The following ASCC3 variants were observed in gnomAD, a reference collection of about 807,000 sequenced individuals.
The protein encoded by ASCC3 is ASC-1 complex subunit P200.
Under a neutral mutation model 256.3 loss-of-function variants are expected in ASCC3, and 158 were observed. The observed-to-expected ratio is 0.62, with a 90% CI of 0.54 to 0.70. ASCC3 has a LOEUF of 0.70. Among genes scored for constraint, ASCC3 ranks in the 30% least tolerant of loss-of-function variants. The pLI, the probability that ASCC3 is intolerant of heterozygous loss-of-function variation, is 0.00. For missense variants in ASCC3, 2,259 were observed against 2,626.0 expected, an observed-to-expected ratio of 0.86 and a Z score of 3.05; for synonymous variants, 948 against 883.4, an observed-to-expected ratio of 1.07 and a Z score of -1.30.
At chr6:100,620,972 C>T (rs1209631394) in intron 30 of ASCC3, among the ~76,000 whole-genome samples, 7 of 152,120 alleles carry the variant, frequency 4.6e-5, no homozygotes, top group Admixed American at 4.6e-4. Flanking sequence ...CAGCTGTAAA[C>T]CCTCTGAAAT....
intron 4 of ASCC3, among the ~76,000 whole-genome samples, chr6:100,823,184 ATTT>A (rs1236286479): frequency 6.6e-6 from 1 of 152,192 alleles, no homozygotes; most frequent in African/African-American, 2.4e-5. Flanking sequence ...AACATTTGCC[ATTT>A]TCATCCACAT....
At chr6:100,705,878 CTTAA>C (rs960988541) in intron 13 of ASCC3, among the ~76,000 whole-genome samples, 6 of 151,980 alleles carry the variant, frequency 3.9e-5, no homozygotes, top group African/African-American at 1.2e-4. Flanking sequence ...TAATTGGCTG[CTTAA>C]TAATAATGCG....
intron 13 of ASCC3, among the ~76,000 whole-genome samples, chr6:100,692,949 T>C (rs957152165): frequency 6.6e-6 from 1 of 151,996 alleles, no homozygotes; most frequent in African/African-American, 2.4e-5. Context: ...TCAGAAGATG[T>C]TAAAAATATG....
chr6:100,610,237 C>G (rs917041759), intron 30 of ASCC3, among the ~76,000 whole-genome samples: 1 of 152,092 alleles, frequency 6.6e-6, no homozygotes, highest in Admixed American at 6.6e-5. Context: ...CTATTAGCAA[C>G]CTCTAATATA....
intron 3 of ASCC3, chr6:100,859,328 T>G: frequency 2.7e-6 from 2 of 737,616 alleles, no homozygotes; most frequent in Non-Finnish European, 2.5e-6. Flanking sequence ...ATTTTGTATT[T>G]TGCAGTTTTT....
intron 10 of ASCC3, among the ~76,000 whole-genome samples, chr6:100,764,881 T>C (rs1395658073): frequency 1.3e-5 from 2 of 152,014 alleles, no homozygotes; most frequent in Non-Finnish European, 2.9e-5. Context: ...GTGACCTTAT[T>C]TGAAAAAAGG....
chr6:100,761,609 C>T (rs778208119), intron 10 of ASCC3, among the ~76,000 whole-genome samples: 7 of 152,118 alleles, frequency 4.6e-5, no homozygotes, highest in Non-Finnish European at 1.0e-4. Context: ...TGCAGAAAGG[C>T]AGCAACTGCC....
chr6:100,560,256 G>A (rs1168504194), intron 36 of ASCC3, among the ~76,000 whole-genome samples: 1 of 152,104 alleles, frequency 6.6e-6, no homozygotes, highest in Middle Eastern at 3.2e-3. Context: ...TTTGGCTCCA[G>A]GGTAAACTTT....
intron 14 of ASCC3, among the ~76,000 whole-genome samples, chr6:100,667,051 C>A (rs1776511667): frequency 6.6e-6 from 1 of 152,106 alleles, no homozygotes; most frequent in Admixed American, 6.6e-5. Context: ...GTACAGGGAC[C>A]AAGATGAAAC....
intron 20 of ASCC3, among the ~76,000 whole-genome samples, chr6:100,647,708 C>T (rs765858296): frequency 1.3e-5 from 2 of 152,010 alleles, no homozygotes; most frequent in Non-Finnish European, 2.9e-5. Flanking sequence ...AAAGCTCTAC[C>T]TTCTAAACAG....
intron 13 of ASCC3, among the ~76,000 whole-genome samples, chr6:100,710,987 AAG>A (rs1241998664): frequency 1.3e-5 from 2 of 152,178 alleles, no homozygotes; most frequent in Non-Finnish European, 2.9e-5. Flanking sequence ...TTACTCATAT[AAG>A]CTTGAATTTA....
intron 14 of ASCC3, among the ~76,000 whole-genome samples, chr6:100,678,249 C>T (rs1473016959): frequency 6.6e-6 from 1 of 152,070 alleles, no homozygotes; most frequent in African/African-American, 2.4e-5. Flanking sequence ...GCTCTCAAGG[C>T]TTGTCTTTTA....
At chr6:100,609,740 G>T (rs532466108) in intron 30 of ASCC3, among the ~76,000 whole-genome samples, 1 of 152,050 alleles carries the variant, frequency 6.6e-6, no homozygotes, top group African/African-American at 2.4e-5. Context: ...GAGAAACCTC[G>T]TCTCTACTAA....
intron 14 of ASCC3, among the ~76,000 whole-genome samples, chr6:100,664,574 G>C (rs932739448): frequency 6.6e-6 from 1 of 151,974 alleles, no homozygotes; most frequent in Non-Finnish European, 1.5e-5. Flanking sequence ...TTCAAGGGGG[G>C]TGTATTCTTA....
At chr6:100,778,184 T>C (rs1224755356) in intron 8 of ASCC3, among the ~76,000 whole-genome samples, 1 of 151,844 alleles carries the variant, frequency 6.6e-6, no homozygotes, top group African/African-American at 2.4e-5. Context: ...AAGATTAAGA[T>C]GACAGACTGA....
intron 13 of ASCC3, among the ~76,000 whole-genome samples, chr6:100,690,192 G>A (rs955014295): frequency 3.3e-5 from 5 of 151,926 alleles, no homozygotes; most frequent in Non-Finnish European, 4.4e-5. Flanking sequence ...ATCATATCTT[G>A]ATAATACCTA....
chr6:100,562,488 T>C (rs541807575), intron 36 of ASCC3, among the ~76,000 whole-genome samples: 1 of 152,176 alleles, frequency 6.6e-6, no homozygotes, highest in South Asian at 2.1e-4. Flanking sequence ...TTCAGTTACT[T>C]AGTAAGTGAT....
chr6:100,613,444 T>C (rs568699948), intron 30 of ASCC3, among the ~76,000 whole-genome samples: 2 of 152,244 alleles, frequency 1.3e-5, no homozygotes, highest in Non-Finnish European at 2.9e-5. Flanking sequence ...TAATGACCTA[T>C]ATAGTTCCAT....
chr6:100,650,564 T>C lies in ASCC3; in HGVS notation c.3226A>G (p.Ile1076Val), dbSNP rs1775613650. The C allele has an allele frequency of 2.5e-6, 4 of 1,612,592 alleles. No individual in the cohort carries two copies. The highest frequency in any genetic ancestry group is 3.4e-6 in the Non-Finnish European group (4 of 1,179,050). ...SRGEMDSFSLISDSAYVAQNA... is the reference protein window; with the variant it reads ...SRGEMDSFSLVSDSAYVAQNA... ...TGTGCAACATATGCAGAATCTGATA[T>C]AAGGGAGAAACTGTCCATTTCTCCT... is the stretch of plus-strand genomic sequence containing the variant. Residue 1076 changes from isoleucine (I) to valine (V), a missense_variant, in exon 20 of 42, where the codon ATA (isoleucine) becomes GTA (valine). This residue lies in a region of ASCC3 where 1,839 missense variants were observed against 2,206.7 expected (regional missense o/e 0.83). Transcript: ENST00000369162.
Sources: gnomAD v4.1 joint callset for allele counts (sites outside exome capture counted in the v4.1 genomes callset) on GRCh38, gnomAD v4.1.1 for gene constraint, gnomAD v4.1.1 regional missense constraint, MANE v1.5 for transcripts, NCBI Gene and HGNC (gene_info 2026-07-23, HGNC 2026-07-21) for gene names.